Variants in BLTP3B observed in about 807,000 individuals in gnomAD.
The protein encoded by BLTP3B is bridge-like lipid transfer protein family member 3B.
At chr12:100,087,603 A>G in the BLTP3B span, among the ~76,000 whole-genome samples, 3 of 152,242 alleles carry the variant, frequency 2.0e-5, no homozygotes, top group Non-Finnish European at 4.4e-5. Context: ...TATAGGAAGC[A>G]GGCAAAGAAT....
At chr12:100,058,229 A>C in the BLTP3B span, 4 of 1,612,536 alleles carry the variant, frequency 2.5e-6, no homozygotes, top group Middle Eastern at 1.6e-4. Context: ...GTATATTCGA[A>C]TCTTCTCTGT....
the BLTP3B span, among the ~76,000 whole-genome samples, chr12:100,071,263 G>A: frequency 6.6e-6 from 1 of 152,040 alleles, no homozygotes; most frequent in Non-Finnish European, 1.5e-5. Flanking sequence ...TCGGGAGGCT[G>A]AGGTAGGCAG....
At chr12:100,070,006 A>G in the BLTP3B span, 1 of 1,233,236 alleles carries the variant, frequency 8.1e-7, no homozygotes, top group Non-Finnish European at 1.0e-6. Flanking sequence ...CGTGGTGAAT[A>G]CAGGGGCAAA....
At chr12:100,098,928 A>C in the BLTP3B span, among the ~76,000 whole-genome samples, 1 of 151,134 alleles carries the variant, frequency 6.6e-6, no homozygotes, top group South Asian at 2.1e-4. Flanking sequence ...ACAGATAGAT[A>C]GATAGACAGA....
chr12:100,124,241 A>G, the BLTP3B span, among the ~76,000 whole-genome samples: 1 of 152,042 alleles, frequency 6.6e-6, no homozygotes, highest in African/African-American at 2.4e-5. Context: ...TGATAACACC[A>G]TGCACTCCAG....
At chr12:100,050,155 A>T in the BLTP3B span, 3 of 1,466,040 alleles carry the variant, frequency 2.0e-6, no homozygotes, top group Non-Finnish European at 2.7e-6. Flanking sequence ...AATAATTAAA[A>T]AAAAAAACTT....
chr12:100,074,820 T>C, the BLTP3B span, among the ~76,000 whole-genome samples: 17 of 152,166 alleles, frequency 1.1e-4, no homozygotes, highest in Non-Finnish European at 2.4e-4. Context: ...GGCATGGTAC[T>C]GATACAAAAA....
At chr12:100,051,166 A>G in the BLTP3B span, 3 of 1,614,142 alleles carry the variant, frequency 1.9e-6, no homozygotes, top group Admixed American at 5.0e-5. Flanking sequence ...GGTTTGCACC[A>G]GCATTCACAC....
At chr12:100,087,856 C>G in the BLTP3B span, among the ~76,000 whole-genome samples, 1 of 152,186 alleles carries the variant, frequency 6.6e-6, no homozygotes, top group East Asian at 1.9e-4. Context: ...TTAATCTTGA[C>G]CACCTCATTT....
At chr12:100,058,643 T>C in the BLTP3B span, 13 of 1,614,118 alleles carry the variant, frequency 8.1e-6, no homozygotes, top group Non-Finnish European at 1.0e-5. Context: ...GAGTATTTGC[T>C]TGATCCACTG....
the BLTP3B span, among the ~76,000 whole-genome samples, chr12:100,101,972 G>A: frequency 1.3e-5 from 2 of 151,836 alleles, no homozygotes; most frequent in African/African-American, 4.8e-5. Flanking sequence ...CCCAGTTTTT[G>A]TATTTTTGGT....
At chr12:100,066,303 C>T in the BLTP3B span, among the ~76,000 whole-genome samples, 1 of 152,264 alleles carries the variant, frequency 6.6e-6, no homozygotes, top group East Asian at 1.9e-4. Context: ...GATAAAAGGC[C>T]TTGTGCAACA....
chr12:100,115,287 T>A, the BLTP3B span, among the ~76,000 whole-genome samples: 7 of 152,040 alleles, frequency 4.6e-5, no homozygotes, highest in East Asian at 1.4e-3. Context: ...GCGCCTGTAA[T>A]CCCAGCTACT....
At chr12:100,072,851 T>C in the BLTP3B span, 1 of 1,552,872 alleles carries the variant, frequency 6.4e-7, no homozygotes. Context: ...TCACACTGAA[T>C]AAAAACCTTT....
At chr12:100,112,371 G>A in the BLTP3B span, among the ~76,000 whole-genome samples, 2 of 152,164 alleles carry the variant, frequency 1.3e-5, no homozygotes, top group African/African-American at 4.8e-5. Context: ...GCCAGGCATA[G>A]TGGAACACTC....
the BLTP3B span, among the ~76,000 whole-genome samples, chr12:100,105,012 T>C: frequency 4.0e-5 from 6 of 150,536 alleles, no homozygotes; most frequent in Non-Finnish European, 7.4e-5. Flanking sequence ...TGGAAATATA[T>C]CCCATACTCG....
the BLTP3B span, among the ~76,000 whole-genome samples, chr12:100,112,315 T>G: frequency 6.6e-6 from 1 of 152,084 alleles, no homozygotes; most frequent in African/African-American, 2.4e-5. Context: ...AGTGAGTGAC[T>G]ATATTAGTGA....
chr12:100,099,929 A>G, the BLTP3B span, among the ~76,000 whole-genome samples: 9,437 of 149,644 alleles, frequency 0.063, 324 homozygotes, highest in Middle Eastern at 0.14. Context: ...TCACATTTCA[A>G]AAAAAAAAAC....
At chr12:100,120,885 G>A in the BLTP3B span, among the ~76,000 whole-genome samples, 129 of 151,910 alleles carry the variant, frequency 8.5e-4, no homozygotes, top group Non-Finnish European at 1.4e-3. Context: ...GCTGACAAAC[G>A]GACACAACCC....
Sources: gnomAD v4.1 joint callset for allele counts (sites outside exome capture counted in the v4.1 genomes callset) on GRCh38, gnomAD v4.1.1 for gene constraint, MANE v1.5 for transcripts, NCBI Gene and HGNC (gene_info 2026-07-23, HGNC 2026-07-21) for gene names.